ZNF99: variants seen among roughly 807,000 people sequenced by gnomAD.
ZNF99 encodes zinc finger protein 99, also known as zinc finger protein ENSP00000375192.
Under a neutral mutation model 12.8 loss-of-function variants are expected in ZNF99, and 8 were observed. The ratio of observed to expected loss-of-function variants is 0.62; its 90% confidence interval spans 0.37 to 1.13. The LOEUF is 1.13. ZNF99 is among the 50% of genes most tolerant of loss of function. The pLI is 0.02. For missense variants in ZNF99, 1,007 were observed against 1,006.2 expected (o/e 1.00, Z -0.01); for synonymous variants, 318 against 319.0 (o/e 1.00, Z 0.03).
intron 3 of ZNF99, among the ~76,000 whole-genome samples, chr19:22,767,334 TAAGAA>T (rs973186796): frequency 2.6e-5 from 4 of 152,116 alleles, no homozygotes; most frequent in Non-Finnish European, 5.9e-5. Flanking sequence ...CTGAGTGGCT[TAAGAA>T]AAGAAGCATA....
chr19:22,766,051 ATAT>A (rs1390674842), intron 3 of ZNF99, among the ~76,000 whole-genome samples: 1 of 152,002 alleles, frequency 6.6e-6, no homozygotes, highest in African/African-American at 2.4e-5. Flanking sequence ...ATAATTTGTA[ATAT>A]TAATAACAAA....
rs1331808381 is a variant in ZNF99, at chr19:22,758,031, A to G, written c.1878T>C (p.Cys626=). 1.2e-6 allele frequency: 2 copies of G among 1,610,134 alleles called. No individual in the cohort carries two copies. The highest frequency in any genetic ancestry group is 1.7e-6 in the Non-Finnish European group (2 of 1,177,364). ...TGKKPYKCEE[C]GKAFSQSSTL... ...TTGAGGACTGGCTAAAAGCTTTGCCACATTCTTCACATTTGTAGGGTTTCT... is the reference window on the plus strand; with the variant it reads ...TTGAGGACTGGCTAAAAGCTTTGCCGCATTCTTCACATTTGTAGGGTTTCT... The change falls in exon 4 of 4, where the codon TGT becomes TGC. Residue 626 remains cysteine, a synonymous_variant. Transcript: ENST00000596209.
intron 1 of ZNF99, among the ~76,000 whole-genome samples, chr19:22,778,342 T>C (rs1293730337): frequency 6.6e-6 from 1 of 151,906 alleles, no homozygotes; most frequent in Admixed American, 6.6e-5. Context: ...CTGTGATATC[T>C]CTCAGCTGGA....
At chr19:22,766,628 T>C (rs34398378) in intron 3 of ZNF99, among the ~76,000 whole-genome samples, 29,139 of 150,920 alleles carry the variant, frequency 0.19, 3,750 homozygotes, top group African/African-American at 0.37. Flanking sequence ...TGAGCCACCG[T>C]GCCCGGCATA....
Position 22,756,349 on chromosome 19 carries a change from G to T in ZNF99, c.*965C>A. On this transcript the variant is annotated 3_prime_UTR_variant, in exon 4 of 4. Coordinates refer to ENST00000596209, the MANE Select transcript of ZNF99 (RefSeq NM_001080409.3). ...GAGTAAGGTGTGAGGACTGGTTAAAGGCTTTGCCACATTCTTCACATTTGT... is the reference window on the plus strand; with the variant it reads ...GAGTAAGGTGTGAGGACTGGTTAAATGCTTTGCCACATTCTTCACATTTGT... 1 of 1,583,192 alleles carries T rather than the reference G, an allele frequency of 6.3e-7. No individual in the cohort carries two copies. Among genetic ancestry groups the T allele is most frequent in the East Asian group, 2.3e-5 (1 of 43,556 alleles).
intron 1 of ZNF99, among the ~76,000 whole-genome samples, chr19:22,777,050 G>A (rs1973337425): frequency 6.6e-6 from 1 of 152,146 alleles, no homozygotes; most frequent in Non-Finnish European, 1.5e-5. Context: ...TAGTTAGGGG[G>A]CTGAGGTAGA....
chr19:22,758,451 A>G lies in ZNF99; in HGVS notation c.1458T>C (p.Cys486=). 1 of 1,613,224 alleles carries G rather than the reference A, an allele frequency of 6.2e-7. No homozygotes were observed. The highest frequency in any genetic ancestry group is 8.5e-7 in the Non-Finnish European group (1 of 1,179,694). The change falls in exon 4 of 4, where the codon TGT becomes TGC. Residue 486 remains cysteine, a synonymous_variant. Coordinates refer to ENST00000596209, the MANE Select transcript of ZNF99 (RefSeq NM_001080409.3). ...TGEKPYKCEE[C]GKAFKWSSKL... is the part of the protein sequence containing the mutation. ...TTGAGGACCACTTAAAAGCTTTACCACATTCTTCACATTTGTAGGGTTTCT... is the reference window on the plus strand; with the variant it reads ...TTGAGGACCACTTAAAAGCTTTACCGCATTCTTCACATTTGTAGGGTTTCT...
intron 1 of ZNF99, chr19:22,769,803 A>C: frequency 1.7e-6 from 2 of 1,163,700 alleles, no homozygotes; most frequent in Non-Finnish European, 2.2e-6. Context: ...AATATTCTCT[A>C]ATGTATTCTC....
chr19:22,765,261 C>G (rs996688788), intron 3 of ZNF99, among the ~76,000 whole-genome samples: 2 of 152,090 alleles, frequency 1.3e-5, no homozygotes, highest in African/African-American at 4.8e-5. Flanking sequence ...TATGTTCTCA[C>G]TGATATGTGG....
intron 1 of ZNF99, among the ~76,000 whole-genome samples, chr19:22,783,660 C>G (rs1276749790): frequency 6.6e-6 from 1 of 152,122 alleles, no homozygotes; most frequent in African/African-American, 2.4e-5. Context: ...CTCACTGGAC[C>G]AAAGCTCTTC....
At chr19:22,762,815 C>G (rs2145146833) in intron 3 of ZNF99, among the ~76,000 whole-genome samples, 1 of 152,202 alleles carries the variant, frequency 6.6e-6, no homozygotes, top group South Asian at 2.1e-4. Flanking sequence ...ACCAGTGATG[C>G]AGGGATGGTT....
chr19:22,769,277 C>A lies in ZNF99; in HGVS notation c.51G>T (p.Glu17Asp). 1 of 1,610,426 alleles carries A rather than the reference C, an allele frequency of 6.2e-7. No individual in the cohort carries two copies. Among genetic ancestry groups the A allele is most frequent in the Non-Finnish European group, 8.5e-7 (1 of 1,177,988 alleles). Residue 17 changes from glutamate (E) to aspartate (D), a missense_variant, in exon 2 of 4, where the codon GAG becomes GAT. Coordinates refer to ENST00000596209, the MANE Select transcript of ZNF99 (RefSeq NM_001080409.3). ...WDVTIEFALE[E>D]WQCLDMAQQN... ...GCTGAGCCATGTCCAGGCATTGCCACTCCTCCAGAGCGAATTCTATGGTCA... is the reference window on the plus strand; with the variant it reads ...GCTGAGCCATGTCCAGGCATTGCCAATCCTCCAGAGCGAATTCTATGGTCA...
chr19:22,778,792 G>T (rs1390890842), intron 1 of ZNF99, among the ~76,000 whole-genome samples: 2 of 152,062 alleles, frequency 1.3e-5, no homozygotes, highest in Admixed American at 6.6e-5. Flanking sequence ...ATCACCTGAG[G>T]TTGTGAGTTC....
In ZNF99 at chr19:22,754,435, A is replaced by T. The variant is rs1973018112; in HGVS notation, c.*2879T>A. The T allele has an allele frequency of 2.5e-6, 1 of 402,358 alleles. No homozygotes were observed. Among genetic ancestry groups the T allele is most frequent in the Admixed American group, 3.2e-5 (1 of 31,458 alleles). The allele number at this position is 402,358 out of a possible 1,614,324, so 24.9% of individuals were successfully genotyped here. A position where few individuals can be genotyped will look rare whatever the true frequency, so the allele number is the denominator to read the frequency against. On this transcript the variant is annotated 3_prime_UTR_variant, in exon 4 of 4. Coordinates refer to ENST00000596209, the MANE Select transcript of ZNF99 (RefSeq NM_001080409.3). ...ATTTCTCTACAACATAAATTATCTT[A>T]TGTGTAATAAGGGTTGAAATGTTTT...
intron 1 of ZNF99, chr19:22,769,935 T>C (rs769226420): frequency 2.9e-6 from 4 of 1,360,762 alleles, no homozygotes. Context: ...GTGCTATTTT[T>C]AAATCATACA....
Position 22,756,699 on chromosome 19 carries a change from A to G in ZNF99, c.*615T>C. On this transcript the variant is annotated 3_prime_UTR_variant, in exon 4 of 4. Transcript: ENST00000596209. The stretch of plus-strand genomic sequence containing the variant: ...TGTTAAAACCTTTGCCACATTCTTC[A>G]CATTTGTACGGTTTCTCCCCAGTAT... 1 of 1,475,674 alleles carries G rather than the reference A, an allele frequency of 6.8e-7. No homozygotes were observed. Among genetic ancestry groups the G allele is most frequent in the Non-Finnish European group, 9.1e-7 (1 of 1,102,124 alleles). 91.4% of individuals were successfully genotyped at this position (1,475,674 alleles called of 1,614,324 possible).
At chr19:22,770,094 A>C in intron 1 of ZNF99, 12 of 1,095,928 alleles carry the variant, frequency 1.1e-5, no homozygotes. Context: ...TGAATTTGAC[A>C]AGCTCACCAG....
chr19:22,766,660 T>G (rs1206392528), intron 3 of ZNF99, among the ~76,000 whole-genome samples: 1 of 150,946 alleles, frequency 6.6e-6, no homozygotes, highest in Non-Finnish European at 1.5e-5. Flanking sequence ...TATTTCTTTT[T>G]TTTTTTTTGA....
At chr19:22,765,429 C>T (rs1334317619) in intron 3 of ZNF99, among the ~76,000 whole-genome samples, 4 of 151,526 alleles carry the variant, frequency 2.6e-5, no homozygotes, top group Admixed American at 6.6e-5. Flanking sequence ...CAAATCACCA[C>T]TAAAGAACTT....
Sources: allele counts gnomAD v4.1 joint callset (sites outside exome capture counted in the v4.1 genomes callset), GRCh38; gene constraint gnomAD v4.1.1; transcripts MANE v1.5; gene names NCBI Gene and HGNC (gene_info 2026-07-23, HGNC 2026-07-21).